Variants in RFX4 observed in about 807,000 individuals in gnomAD.
RFX4 encodes the protein regulatory factor X4, also known as transcription factor RFX4.
RFX4 carries 10 observed loss-of-function variants against 95.0 expected under a neutral mutation model. The observed-to-expected ratio is 0.11, with a 90% CI of 0.06 to 0.18. RFX4 has a LOEUF of 0.18. RFX4 is among the 10% of genes least tolerant of loss of function. The pLI is 1.00. For missense variants in RFX4, 640 were observed against 922.0 expected, an observed-to-expected ratio of 0.69 and a Z score of 3.96; for synonymous variants, 321 against 340.7, an observed-to-expected ratio of 0.94 and a Z score of 0.64.
chr12:106,586,612 G>A lies in RFX4; in HGVS notation c.43+3249G>A, dbSNP rs143032271. On this transcript the variant is annotated intron_variant, in intron 1 of 17. Coordinates refer to ENST00000392842, the MANE Select transcript of RFX4 (RefSeq NM_213594.3). The surrounding 1 kb of genome is among the most constrained non-coding windows in gnomAD (Gnocchi z 5.6). The stretch of plus-strand genomic sequence containing the variant: ...CATCCACTTTCCGCTCCCATCTCCA[G>A]AACCCAGAGCTGAGGCGGCCAAAGT... Among the ~76,000 whole-genome samples, 497 of 152,294 alleles carry A rather than the reference G, an allele frequency of 3.3e-3. 3 individuals are homozygous for A. The highest frequency in any genetic ancestry group is 0.012 in the African/African-American group (481 of 41,562).
chr12:106,629,675 A>C (rs1011408845), intron 2 of RFX4, among the ~76,000 whole-genome samples: 2 of 152,030 alleles, frequency 1.3e-5, no homozygotes, highest in African/African-American at 2.4e-5. Context: ...GGGTTTTACC[A>C]TGTTGCTAAG....
At chr12:106,651,158 C>T (rs1375084300) in intron 3 of RFX4, among the ~76,000 whole-genome samples, 1 of 152,164 alleles carries the variant, frequency 6.6e-6, no homozygotes, top group Non-Finnish European at 1.5e-5. Flanking sequence ...AGATCAGCAT[C>T]TCCATCATTA....
At position 106,761,324 on chromosome 12, in the gene RFX4, C is replaced by G; in HGVS notation, c.2063C>G (p.Pro688Arg). 6.2e-7 allele frequency: 1 copy of G among 1,614,060 alleles called. No individual in the cohort carries two copies. Among genetic ancestry groups the G allele is most frequent in the Non-Finnish European group, 8.5e-7 (1 of 1,180,020 alleles). Reference sequence around the variant, plus strand: ...TCAGCCAACACGTGCTACACAAGCCCGTCTGTGCATTCTGCGAGGTACGGA... The same window carrying G: ...TCAGCCAACACGTGCTACACAAGCCGGTCTGTGCATTCTGCGAGGTACGGA... Reference protein sequence around the residue: ...VPSANTCYTSPSVHSARYGNS... With the variant: ...VPSANTCYTSRSVHSARYGNS... The change falls in exon 18 of 18, where the codon CCG becomes CGG. Residue 688 changes from proline (P) to arginine (R), a missense_variant. This residue lies in a region of RFX4 where 300 missense variants were observed against 346.8 expected (regional missense o/e 0.87). Transcript: ENST00000392842.
chr12:106,754,976 T>C (rs927140812), intron 17 of RFX4, among the ~76,000 whole-genome samples: 13 of 152,240 alleles, frequency 8.5e-5, no homozygotes, highest in Admixed American at 8.5e-4. Context: ...ATATACTCTC[T>C]GGGGGAAGGT....
At chr12:106,727,573 T>C (rs910303146) in intron 13 of RFX4, among the ~76,000 whole-genome samples, 1 of 150,670 alleles carries the variant, frequency 6.6e-6, no homozygotes, top group Non-Finnish European at 1.5e-5. Context: ...CAAAAGAGAA[T>C]CCACAAACTA....
At chr12:106,603,014 T>C (rs918361163) in intron 1 of RFX4, among the ~76,000 whole-genome samples, 2 of 152,246 alleles carry the variant, frequency 1.3e-5, no homozygotes, top group Non-Finnish European at 2.9e-5. Flanking sequence ...AGATATCCTG[T>C]GTAATATATG....
chr12:106,629,151 C>T (rs1042438380), intron 2 of RFX4, among the ~76,000 whole-genome samples: 1 of 152,050 alleles, frequency 6.6e-6, no homozygotes, highest in Non-Finnish European at 1.5e-5. Flanking sequence ...CAGAATGTTC[C>T]ATATCAGTAA....
At chr12:106,703,319 C>T (rs531554618) in intron 8 of RFX4, among the ~76,000 whole-genome samples, 83 of 152,254 alleles carry the variant, frequency 5.5e-4, no homozygotes, top group African/African-American at 1.9e-3. Context: ...GTAGATGGAA[C>T]GGAAACACAC....
At chr12:106,667,410 T>C (rs1376778434) in intron 4 of RFX4, among the ~76,000 whole-genome samples, 3 of 152,160 alleles carry the variant, frequency 2.0e-5, no homozygotes, top group African/African-American at 7.2e-5. Flanking sequence ...TCAAAATGGT[T>C]CCTTTACTCC....
intron 2 of RFX4, among the ~76,000 whole-genome samples, chr12:106,617,914 A>T (rs2137228368): frequency 6.6e-6 from 1 of 152,198 alleles, no homozygotes; most frequent in East Asian, 1.9e-4. Context: ...TTTAGTAGAG[A>T]TGAGGTTTCA....
intron 2 of RFX4, among the ~76,000 whole-genome samples, chr12:106,627,697 G>A (rs557863896): frequency 3.9e-5 from 6 of 152,274 alleles, no homozygotes; most frequent in South Asian, 2.1e-4. Flanking sequence ...CCAGAGAAGA[G>A]GAAATGTCAT....
intron 2 of RFX4, among the ~76,000 whole-genome samples, chr12:106,622,302 AG>A (rs1401622955): frequency 6.6e-6 from 1 of 152,206 alleles, no homozygotes; most frequent in Non-Finnish European, 1.5e-5. Flanking sequence ...ATCTGAGGAA[AG>A]AAAAGAATTG....
At position 106,673,315 on chromosome 12, in the gene RFX4, C is replaced by T. The variant is rs569806308; in HGVS notation, c.316-8678C>T. ...CTGGCAGCTGGTCACTCCTGGCTCCCCTCCAGCCAGCGGGCTGTGAAAGCC... is the reference window on the plus strand; with the variant it reads ...CTGGCAGCTGGTCACTCCTGGCTCCTCTCCAGCCAGCGGGCTGTGAAAGCC... On this transcript the variant is annotated intron_variant, in intron 4 of 17. Transcript: ENST00000392842. 6.6e-5 allele frequency among the ~76,000 whole-genome samples: 10 copies of T among 152,312 alleles called. No individual in the cohort carries two copies. In the East Asian group the frequency reaches 1.5e-3, roughly 24 times the overall value.
At chr12:106,652,965 G>A (rs2040883982) in intron 3 of RFX4, among the ~76,000 whole-genome samples, 1 of 152,168 alleles carries the variant, frequency 6.6e-6, no homozygotes, top group Non-Finnish European at 1.5e-5. Context: ...TGGTTTTCCA[G>A]TCACTTTATC....
intron 3 of RFX4, among the ~76,000 whole-genome samples, chr12:106,652,206 G>A (rs2040868728): frequency 6.6e-6 from 1 of 152,178 alleles, no homozygotes; most frequent in South Asian, 2.1e-4. Flanking sequence ...CAGGACCATT[G>A]TTTTGTTCAC....
intron 16 of RFX4, among the ~76,000 whole-genome samples, 153 bp from the exon 17 acceptor site, chr12:106,750,502 G>A (rs1187498701): frequency 2.2e-5 from 3 of 138,356 alleles, no homozygotes; most frequent in Non-Finnish European, 3.1e-5. Flanking sequence ...ACAGATGAAA[G>A]AAAGAAAAAT....
At chr12:106,639,497 G>T in intron 3 of RFX4, 105 bp downstream of exon 3, 1 of 1,027,468 alleles carries the variant, frequency 9.7e-7, no homozygotes. Context: ...CTGATAACTT[G>T]ACATTCCACA....
At chr12:106,676,490 A>G (rs1401634341) in intron 4 of RFX4, among the ~76,000 whole-genome samples, 1 of 152,256 alleles carries the variant, frequency 6.6e-6, no homozygotes, top group Non-Finnish European at 1.5e-5. Context: ...AATGATCTGC[A>G]TCATTCCTTC....
At chr12:106,637,363 C>T (rs2137274889) in intron 2 of RFX4, among the ~76,000 whole-genome samples, 1 of 152,300 alleles carries the variant, frequency 6.6e-6, no homozygotes, top group African/African-American at 2.4e-5. Flanking sequence ...TTTCTAGATT[C>T]AGCTTTGATG....
Sources: gnomAD v4.1 joint callset for allele counts (sites outside exome capture counted in the v4.1 genomes callset) on GRCh38, gnomAD v4.1.1 for gene constraint, gnomAD v4.1.1 regional missense constraint, Gnocchi (gnomAD v3.1) non-coding constraint, MANE v1.5 for transcripts, NCBI Gene and HGNC (gene_info 2026-07-23, HGNC 2026-07-21) for gene names.